PCSK5: variants seen among roughly 807,000 people sequenced by gnomAD.
PCSK5 encodes the protein prohormone convertase 5.
Under a neutral mutation model 233.2 loss-of-function variants are expected in PCSK5, and 129 were observed. That is an observed-to-expected ratio of 0.55 (90% CI 0.48 to 0.64). The LOEUF is 0.64. Among genes scored for constraint, PCSK5 ranks in the 30% least tolerant of loss-of-function variants. PCSK5 has a pLI of 0.00. For missense variants in PCSK5, 2,076 were observed against 2,430.1 expected (o/e 0.85, Z 3.06); for synonymous variants, 825 against 879.2 (o/e 0.94, Z 1.09).
chr9:76,050,151 G>A (rs2131554600), intron 5 of PCSK5, among the ~76,000 whole-genome samples: 1 of 152,198 alleles, frequency 6.6e-6, no homozygotes, highest in South Asian at 2.1e-4. Flanking sequence ...AATTAATTAT[G>A]AGTCAGAAGA....
Position 76,358,974 on chromosome 9 carries a change from G to A in PCSK5, c.*52G>A, listed in dbSNP as rs1830375519. 4 of 1,539,472 alleles carry A rather than the reference G, an allele frequency of 2.6e-6. No individual in the cohort carries two copies. In the South Asian group the frequency reaches 4.7e-5, roughly 18 times the overall value. ...ATTCCACTCTCAGGCATGCCTGTGA[G>A]CATCACTGTTTTTGGTTTTATCCCC... On this transcript the variant is annotated 3_prime_UTR_variant, in exon 38 of 38. Coordinates refer to ENST00000674117, the MANE Select transcript of PCSK5 (RefSeq NM_001372043.1).
intron 9 of PCSK5, among the ~76,000 whole-genome samples, chr9:76,132,772 T>C (rs1822811432): frequency 1.3e-5 from 2 of 152,056 alleles, no homozygotes; most frequent in South Asian, 4.1e-4. Flanking sequence ...CTAGCATCCA[T>C]GTTCTAAGTA....
chr9:76,021,290 G>T (rs1034841043), intron 3 of PCSK5, among the ~76,000 whole-genome samples: 1 of 152,100 alleles, frequency 6.6e-6, no homozygotes, highest in Non-Finnish European at 1.5e-5. Flanking sequence ...CAATTCACTG[G>T]GTCGTTGTTG....
At chr9:76,277,590 G>A (rs892870449) in intron 24 of PCSK5, among the ~76,000 whole-genome samples, 2 of 152,140 alleles carry the variant, frequency 1.3e-5, no homozygotes, top group Non-Finnish European at 2.9e-5. Flanking sequence ...ACTGTCAGTT[G>A]CACCATTTGC....
intron 3 of PCSK5, among the ~76,000 whole-genome samples, chr9:76,012,410 A>C (rs565204891): frequency 2.0e-5 from 3 of 152,208 alleles, no homozygotes; most frequent in Non-Finnish European, 2.9e-5. Flanking sequence ...TGGACATCTG[A>C]CTGCAAAGTA....
intron 7 of PCSK5, 110 bp downstream of exon 7, chr9:76,072,008 G>A: frequency 2.0e-6 from 2 of 1,022,330 alleles, no homozygotes; most frequent in African/African-American, 1.6e-5. Context: ...GAGCTCCTAG[G>A]CTGAGCCAGC....
chr9:76,190,901 G>GTGTT (rs773207547), intron 20 of PCSK5, among the ~76,000 whole-genome samples: 3 of 152,128 alleles, frequency 2.0e-5, no homozygotes, highest in Non-Finnish European at 4.4e-5. Flanking sequence ...AACTTCCCAA[G>GTGTT]TGTTTCTAAT....
At chr9:75,967,096 AT>A (rs1248089499) in intron 2 of PCSK5, among the ~76,000 whole-genome samples, 2 of 151,544 alleles carry the variant, frequency 1.3e-5, no homozygotes, top group African/African-American at 2.4e-5. Flanking sequence ...TTATTTATTT[AT>A]TTTTTTCTTT....
chr9:76,246,051 A>G (rs575090556), intron 24 of PCSK5, among the ~76,000 whole-genome samples: 1 of 152,118 alleles, frequency 6.6e-6, no homozygotes, highest in South Asian at 2.1e-4. Flanking sequence ...AAACTGTGAG[A>G]GGCCTGGCGC....
chr9:76,019,645 T>A (rs1398452273), intron 3 of PCSK5, among the ~76,000 whole-genome samples: 1 of 152,198 alleles, frequency 6.6e-6, no homozygotes, highest in African/African-American at 2.4e-5. Context: ...AAGGTATTTA[T>A]TTGGGGTATA....
chr9:76,183,951 A>G (rs958120341), intron 16 of PCSK5, among the ~76,000 whole-genome samples: 1 of 152,132 alleles, frequency 6.6e-6, no homozygotes, highest in African/African-American at 2.4e-5. Flanking sequence ...ACAACCATAA[A>G]TTTGCCAACT....
chr9:75,956,692 G>A (rs964458627), intron 2 of PCSK5, among the ~76,000 whole-genome samples: 1 of 151,774 alleles, frequency 6.6e-6, no homozygotes, highest in African/African-American at 2.4e-5. Flanking sequence ...AGGCACTACT[G>A]CCTGCACATT....
At chr9:75,905,187 A>AT (rs943052125) in intron 1 of PCSK5, among the ~76,000 whole-genome samples, 10 of 152,114 alleles carry the variant, frequency 6.6e-5, no homozygotes, top group South Asian at 2.1e-4. Flanking sequence ...TAGGTATGAG[A>AT]TTTTTTGGGA....
intron 6 of PCSK5, among the ~76,000 whole-genome samples, chr9:76,069,378 C>G (rs955864): frequency 6.6e-6 from 1 of 150,878 alleles, no homozygotes; most frequent in Non-Finnish European, 1.5e-5. Context: ...ACCCAGAAAT[C>G]TTAATAATTT....
At chr9:75,967,381 G>A (rs1284777421) in intron 2 of PCSK5, among the ~76,000 whole-genome samples, 1 of 152,168 alleles carries the variant, frequency 6.6e-6, no homozygotes, top group Non-Finnish European at 1.5e-5. Flanking sequence ...ATTTGCTTAG[G>A]ACAATGGTCT....
chr9:76,151,146 G>GGGA (rs1372001891), intron 10 of PCSK5, among the ~76,000 whole-genome samples: 2 of 152,130 alleles, frequency 1.3e-5, no homozygotes, highest in Non-Finnish European at 2.9e-5. Context: ...TAGTAGGTGA[G>GGGA]GGAGGCACAG....
At chr9:76,068,864 C>A (rs1014761187) in intron 6 of PCSK5, among the ~76,000 whole-genome samples, 14 of 152,092 alleles carry the variant, frequency 9.2e-5, no homozygotes, top group Admixed American at 3.9e-4. Context: ...CTCCTGGAAC[C>A]AGATTGACCT....
intron 2 of PCSK5, among the ~76,000 whole-genome samples, chr9:75,979,956 A>G (rs1002246281): frequency 6.6e-6 from 1 of 152,260 alleles, no homozygotes; most frequent in African/African-American, 2.4e-5. Flanking sequence ...GAGCTACTCA[A>G]TAAATATTTT....
chr9:76,225,217 C>T (rs1253240200), intron 20 of PCSK5, among the ~76,000 whole-genome samples: 7 of 152,184 alleles, frequency 4.6e-5, no homozygotes, highest in South Asian at 4.1e-4. Context: ...ATAAATCACT[C>T]GCATAAAATC....
Sources: gnomAD v4.1 joint callset for allele counts (sites outside exome capture counted in the v4.1 genomes callset) on GRCh38, gnomAD v4.1.1 for gene constraint, MANE v1.5 for transcripts, NCBI Gene and HGNC (gene_info 2026-07-23, HGNC 2026-07-21) for gene names.